The following JAKMIP1 variants were observed in gnomAD, a reference collection of about 807,000 sequenced individuals.
JAKMIP1 encodes janus kinase and microtubule-interacting protein 1.
A neutral mutation model predicts 113.0 loss-of-function variants in JAKMIP1; 33 were observed. That is an observed-to-expected ratio of 0.29 (90% CI 0.22 to 0.39). The LOEUF (loss-of-function observed/expected upper bound fraction) is 0.39. JAKMIP1 is among the 10% of genes least tolerant of loss of function. The probability of loss-of-function intolerance (pLI) is 1.00; values close to 1 mark genes in which losing one functional copy is unlikely to be tolerated. For missense variants in JAKMIP1, 813 were observed against 1,080.5 expected, an observed-to-expected ratio of 0.75 and a Z score of 3.47; for synonymous variants, 480 against 459.9, an observed-to-expected ratio of 1.04 and a Z score of -0.56.
rs1320255374 is a variant in JAKMIP1 at position 6,059,853 on chromosome 4, C to A, written c.1644+571G>T. Among the ~76,000 whole-genome samples the A allele has an allele frequency of 6.6e-6, 1 of 152,148 alleles. No individual in the cohort carries two copies. Among genetic ancestry groups the A allele is most frequent in the Admixed American group, 6.5e-5 (1 of 15,280 alleles). ...GAGAGGCCAGATTTCCACCCAGAGC[C>A]CTCTCTGGCTCCCCCACTCCAGGGG... is the stretch of plus-strand genomic sequence containing the variant. On this transcript the variant is annotated intron_variant, in intron 11 of 20. Coordinates refer to ENST00000409021, the MANE Select transcript of JAKMIP1 (RefSeq NM_001099433.2). This position sits in a 1 kb window ranked among gnomAD's most constrained non-coding sequence, Gnocchi z 4.8.
intron 1 of JAKMIP1, among the ~76,000 whole-genome samples, chr4:6,152,808 A>G (rs1339556906): frequency 8.2e-6 from 1 of 121,452 alleles, no homozygotes; most frequent in Non-Finnish European, 1.6e-5. Flanking sequence ...ATATATATAT[A>G]TACATATATA....
In JAKMIP1 at chr4:6,042,951, G is replaced by T. The variant is rs147190370; in HGVS notation, c.2029-724C>A. Reference sequence around the variant, plus strand: ...GTAAGGGAGTGGGAGCTCTGTCCACGTTCCCTCTGGGGTCTGGGCTGGGGG... The same window carrying T: ...GTAAGGGAGTGGGAGCTCTGTCCACTTTCCCTCTGGGGTCTGGGCTGGGGG... On this transcript the variant is annotated intron_variant, in intron 16 of 20. Coordinates refer to ENST00000409021, the MANE Select transcript of JAKMIP1 (RefSeq NM_001099433.2). The surrounding 1 kb of genome is among the most constrained non-coding windows in gnomAD (Gnocchi z 5.2). 0.019 allele frequency among the ~76,000 whole-genome samples: 2,892 copies of T among 152,092 alleles called. 30 individuals are homozygous for T. The highest frequency in any genetic ancestry group is 0.032 in the Non-Finnish European group (2,164 of 67,960).
At chr4:6,177,859 C>T (rs1310213852) in intron 1 of JAKMIP1, among the ~76,000 whole-genome samples, 2 of 152,204 alleles carry the variant, frequency 1.3e-5, no homozygotes, top group Non-Finnish European at 2.9e-5. Flanking sequence ...TGCAGGCTGT[C>T]CCTCTGCCCA....
In JAKMIP1 at chr4:6,059,583, G is replaced by A. The variant is rs532724156; in HGVS notation, c.1644+841C>T. 1.2e-4 allele frequency among the ~76,000 whole-genome samples: 19 copies of A among 152,086 alleles called. No individual in the cohort carries two copies. Among genetic ancestry groups the A allele is most frequent in the African/African-American group, 4.6e-4 (19 of 41,492 alleles). On this transcript the variant is annotated intron_variant, in intron 11 of 20. Transcript: ENST00000409021. This position sits in a 1 kb window ranked among gnomAD's most constrained non-coding sequence, Gnocchi z 4.8. The stretch of plus-strand genomic sequence containing the variant: ...TCCTTGGCACCCTCACTGTTAGTGG[G>A]GCCACGTGACTGATGAATTTTGCTG...
At position 6,197,958 on chromosome 4, in the gene JAKMIP1, C is replaced by G. The variant is rs1348198025; in HGVS notation, c.-148+2295G>C. ...ACGGTCCTGCCACTTCCTCGTGCAGCCTTCCTGGCCGGGCCGCCTGTCCCC... is the reference window on the plus strand; with the variant it reads ...ACGGTCCTGCCACTTCCTCGTGCAGGCTTCCTGGCCGGGCCGCCTGTCCCC... On this transcript the variant is annotated intron_variant, in intron 1 of 20. Coordinates refer to ENST00000409021, the MANE Select transcript of JAKMIP1 (RefSeq NM_001099433.2). The surrounding 1 kb of genome is among the most constrained non-coding windows in gnomAD (Gnocchi z 6.5). Among the ~76,000 whole-genome samples, 1 of 152,216 alleles carries G rather than the reference C, an allele frequency of 6.6e-6. No individual in the cohort carries two copies. The highest frequency in any genetic ancestry group is 1.5e-5 in the Non-Finnish European group (1 of 68,046).
At chr4:6,071,827 C>A (rs1718997617) in intron 8 of JAKMIP1, among the ~76,000 whole-genome samples, 1 of 152,172 alleles carries the variant, frequency 6.6e-6, no homozygotes. Context: ...GTGTCCTATC[C>A]CCAGGACCCA....
intron 8 of JAKMIP1, among the ~76,000 whole-genome samples, chr4:6,073,386 A>T (rs1343114473): frequency 1.3e-5 from 2 of 152,166 alleles, no homozygotes; most frequent in Non-Finnish European, 1.5e-5. Context: ...GGAGGAGGGG[A>T]CACAGCACTG....
In JAKMIP1 at chr4:6,140,596, G is replaced by T. The variant is rs965793507; in HGVS notation, c.-147-27599C>A. Among the ~76,000 whole-genome samples, 1 of 152,096 alleles carries T rather than the reference G, an allele frequency of 6.6e-6. No homozygotes were observed. The highest frequency in any genetic ancestry group is 1.5e-5 in the Non-Finnish European group (1 of 68,024). On this transcript the variant is annotated intron_variant, in intron 1 of 20. Transcript: ENST00000409021. This position sits in a 1 kb window ranked among gnomAD's most constrained non-coding sequence, Gnocchi z 9.4. ...AGTGGTTCACAGCGTAAGGACCTCT[G>T]TCCCCACTGCTCCTGGAGGGGTGGA...
intron 1 of JAKMIP1, among the ~76,000 whole-genome samples, chr4:6,122,616 C>G (rs938017316): frequency 9.2e-5 from 14 of 152,196 alleles, no homozygotes; most frequent in Non-Finnish European, 2.1e-4. Context: ...AGCTGCTGAC[C>G]TGAATTCAAG....
rs996981796 is a variant in JAKMIP1, at chr4:6,059,312, G to C, written c.1644+1112C>G. Reference sequence around the variant, plus strand: ...CCATGGGAACCTCAGTCTCAACCCCGAGCCCTGCGGCAGCCATTCTGAGCT... The same window carrying C: ...CCATGGGAACCTCAGTCTCAACCCCCAGCCCTGCGGCAGCCATTCTGAGCT... On this transcript the variant is annotated intron_variant, in intron 11 of 20. Transcript: ENST00000409021. This position sits in a 1 kb window ranked among gnomAD's most constrained non-coding sequence, Gnocchi z 4.8. 2.6e-5 allele frequency among the ~76,000 whole-genome samples: 4 copies of C among 152,152 alleles called. No homozygotes were observed. The highest frequency in any genetic ancestry group is 3.9e-4 in the East Asian group (2 of 5,172).
chr4:6,039,364 C>T (rs1274065141), intron 18 of JAKMIP1, among the ~76,000 whole-genome samples: 1 of 152,220 alleles, frequency 6.6e-6, no homozygotes, highest in Non-Finnish European at 1.5e-5. Context: ...CCTCAACTCA[C>T]CCTTTAGCAC....
intron 1 of JAKMIP1, among the ~76,000 whole-genome samples, chr4:6,145,921 C>T (rs1165362472): frequency 1.3e-5 from 2 of 152,160 alleles, no homozygotes. Flanking sequence ...CACCTCTTTA[C>T]AGGCCGTATC....
At chr4:6,099,717 C>T (rs1712686650) in intron 3 of JAKMIP1, among the ~76,000 whole-genome samples, 1 of 152,234 alleles carries the variant, frequency 6.6e-6, no homozygotes, top group Admixed American at 6.5e-5. Flanking sequence ...TGTTTCTCTT[C>T]ACCTGCAGAA....
intron 10 of JAKMIP1, 95 bp downstream of exon 10, chr4:6,062,217 G>T: frequency 7.3e-7 from 1 of 1,368,690 alleles, no homozygotes; most frequent in Non-Finnish European, 1.0e-6. Context: ...AATCCCCTCT[G>T]AGTGTCCAAG....
At position 6,105,581 on chromosome 4, in the gene JAKMIP1, G is replaced by A. The variant is rs759111445; in HGVS notation, c.516C>T (p.Cys172=). 3.6e-5 allele frequency: 58 copies of A among 1,600,234 alleles called. No individual in the cohort carries two copies. The South Asian group carries it at 5.8e-4, about 16-fold the overall frequency. ...RKQAEEALSN[C]MQADKTKAAD... ...CTGCCTTGGTCTTGTCAGCCTGCAT[G>A]CAGTTACTGAGCGCCTCCTCTGCCT... is the stretch of plus-strand genomic sequence containing the variant. Residue 172 remains cysteine (C), a synonymous_variant, in exon 3 of 21, where the codon TGC becomes TGT. Transcript: ENST00000409021.
chr4:6,123,047 A>C (rs992268787), intron 1 of JAKMIP1, among the ~76,000 whole-genome samples: 1 of 152,264 alleles, frequency 6.6e-6, no homozygotes, highest in African/African-American at 2.4e-5. Context: ...CCTTTAAACG[A>C]AAGATGTCAC....
At position 6,180,029 on chromosome 4, in the gene JAKMIP1, T is replaced by A. The variant is rs943805792; in HGVS notation, c.-148+20224A>T. Among the ~76,000 whole-genome samples the A allele has an allele frequency of 6.6e-6, 1 of 152,134 alleles. No individual in the cohort carries two copies. The highest frequency in any genetic ancestry group is 2.4e-5 in the African/African-American group (1 of 41,422). On this transcript the variant is annotated intron_variant, in intron 1 of 20. Transcript: ENST00000409021. The surrounding 1 kb of genome is among the most constrained non-coding windows in gnomAD (Gnocchi z 4.5). Reference sequence around the variant, plus strand: ...CCTCTTAGAAGCCATGCAAGAACATTTGCAGGGATAAACAGCAGGCTCCTT... The same window carrying A: ...CCTCTTAGAAGCCATGCAAGAACATATGCAGGGATAAACAGCAGGCTCCTT...
At chr4:6,110,057 C>T (rs1200989318) in intron 2 of JAKMIP1, among the ~76,000 whole-genome samples, 1 of 152,122 alleles carries the variant, frequency 6.6e-6, no homozygotes, top group Non-Finnish European at 1.5e-5. Flanking sequence ...TCCGCATGGG[C>T]CTGGCTTTCA....
At chr4:6,101,182 T>C (rs1471414221) in intron 3 of JAKMIP1, among the ~76,000 whole-genome samples, 2 of 152,230 alleles carry the variant, frequency 1.3e-5, no homozygotes, top group Non-Finnish European at 2.9e-5. Flanking sequence ...TTTTACTTTT[T>C]ACATGTAGGC....
Sources: gnomAD v4.1 joint callset for allele counts (sites outside exome capture counted in the v4.1 genomes callset) on GRCh38, gnomAD v4.1.1 for gene constraint, Gnocchi (gnomAD v3.1) non-coding constraint, MANE v1.5 for transcripts, NCBI Gene and HGNC (gene_info 2026-07-23, HGNC 2026-07-21) for gene names.